The following TSPAN18 variants were observed in gnomAD, a reference collection of about 807,000 sequenced individuals.
TSPAN18 encodes the protein tetraspanin-18.
Under a neutral mutation model 27.3 loss-of-function variants are expected in TSPAN18, and 14 were observed. The ratio of observed to expected loss-of-function variants is 0.51; its 90% CI spans 0.34 to 0.80. The LOEUF (loss-of-function observed/expected upper bound fraction) is 0.80, where lower values mean the gene tolerates loss of function less well. TSPAN18 is among the 30% of genes least tolerant of loss of function. TSPAN18 has a pLI of 0.01. For synonymous variants in TSPAN18, 143 were observed against 136.5 expected (o/e 1.05, Z -0.33); for missense variants, 268 against 323.9 (o/e 0.83, Z 1.32).
In TSPAN18 at chr11:44,930,907, C is replaced by G. The variant is rs1421731645; in HGVS notation, c.*1729C>G. 3.8e-6 allele frequency: 2 copies of G among 525,676 alleles called. No homozygotes were observed. The highest frequency in any genetic ancestry group is 7.8e-6 in the Non-Finnish European group (2 of 256,084). 32.6% of individuals were successfully genotyped at this position (525,676 alleles called of 1,614,324 possible). A position where few individuals can be genotyped will look rare whatever the true frequency, so the allele number is the denominator to read the frequency against. On this transcript the variant is annotated 3_prime_UTR_variant, in exon 10 of 10. Coordinates refer to ENST00000520358, the MANE Select transcript of TSPAN18 (RefSeq NM_130783.5). ...CTCACAAGCCACCGGCATCCTGTAT[C>G]AGCTTCCAGCCTCCCCTCAGGCTTT...
chr11:44,756,560 AT>A (rs1748167584), intron 1 of TSPAN18, among the ~76,000 whole-genome samples: 1 of 152,168 alleles, frequency 6.6e-6, no homozygotes, highest in Admixed American at 6.5e-5. Flanking sequence ...TTAAGCAATA[AT>A]TCTTCCCATT....
chr11:44,862,370 G>C (rs934954056), intron 3 of TSPAN18, among the ~76,000 whole-genome samples: 1 of 152,220 alleles, frequency 6.6e-6, no homozygotes, highest in African/African-American at 2.4e-5. Flanking sequence ...CCCTTGCTTG[G>C]TTTTGGTCAA....
chr11:44,870,973 G>A (rs183870590), intron 3 of TSPAN18, among the ~76,000 whole-genome samples: 77 of 152,286 alleles, frequency 5.1e-4, no homozygotes, highest in Admixed American at 2.2e-3. Context: ...GAGGAGGAAG[G>A]AAGCAAGGAG....
intron 8 of TSPAN18, among the ~76,000 whole-genome samples, chr11:44,922,585 G>C (rs1860184699): frequency 6.6e-6 from 1 of 152,160 alleles, no homozygotes; most frequent in African/African-American, 2.4e-5. Context: ...TGGTGGACCT[G>C]GGTAGACAGG....
At chr11:44,733,692 C>G (rs942717001) in intron 1 of TSPAN18, among the ~76,000 whole-genome samples, 2 of 152,144 alleles carry the variant, frequency 1.3e-5, no homozygotes, top group African/African-American at 4.8e-5. Context: ...AAGCCAGAGT[C>G]TTAGGTATTC....
At chr11:44,794,974 G>A (rs539879757) in intron 2 of TSPAN18, among the ~76,000 whole-genome samples, 15 of 152,170 alleles carry the variant, frequency 9.9e-5, no homozygotes, top group Non-Finnish European at 1.8e-4. Flanking sequence ...ATGCCAGCTT[G>A]GTTGAAGCAT....
At chr11:44,854,899 C>T (rs542465861) in intron 2 of TSPAN18, among the ~76,000 whole-genome samples, 1 of 152,276 alleles carries the variant, frequency 6.6e-6, no homozygotes, top group Non-Finnish European at 1.5e-5. Context: ...AATTAGGAAT[C>T]GGAGACAATT....
intron 3 of TSPAN18, among the ~76,000 whole-genome samples, chr11:44,895,636 G>T (rs1859016001): frequency 6.6e-6 from 1 of 152,218 alleles, no homozygotes; most frequent in Admixed American, 6.5e-5. Context: ...CCCATTCCCA[G>T]CCAGGGTACA....
At chr11:44,801,207 C>A (rs1856472822) in intron 2 of TSPAN18, among the ~76,000 whole-genome samples, 1 of 152,140 alleles carries the variant, frequency 6.6e-6, no homozygotes, top group South Asian at 2.1e-4. Flanking sequence ...TTATAGTATT[C>A]TCTCTGTGTG....
intron 2 of TSPAN18, among the ~76,000 whole-genome samples, chr11:44,853,704 C>CCA (rs1473673884): frequency 6.6e-6 from 1 of 152,218 alleles, no homozygotes; most frequent in Admixed American, 6.5e-5. Flanking sequence ...ACCTCTCCAT[C>CCA]CACAGGCCTG....
intron 2 of TSPAN18, among the ~76,000 whole-genome samples, chr11:44,835,762 A>G (rs1450296655): frequency 6.6e-6 from 1 of 152,206 alleles, no homozygotes; most frequent in Non-Finnish European, 1.5e-5. Flanking sequence ...GAGCAAATCT[A>G]TCAGCACCAT....
chr11:44,891,519 T>C (rs529811809), intron 3 of TSPAN18, among the ~76,000 whole-genome samples: 2 of 152,304 alleles, frequency 1.3e-5, no homozygotes, highest in South Asian at 2.1e-4. Flanking sequence ...CTGGTTAGCA[T>C]GAAATTTCCA....
At chr11:44,728,159 C>A (rs1235829474) in intron 1 of TSPAN18, among the ~76,000 whole-genome samples, 1 of 152,160 alleles carries the variant, frequency 6.6e-6, no homozygotes, top group Admixed American at 6.5e-5. Context: ...ACTAGCCAGA[C>A]GGGGGAGCGG....
intron 2 of TSPAN18, among the ~76,000 whole-genome samples, chr11:44,825,449 T>A (rs1857019028): frequency 6.6e-6 from 1 of 152,166 alleles, no homozygotes; most frequent in Non-Finnish European, 1.5e-5. Context: ...ACTCCAGTGC[T>A]CTCAAGCTTC....
At chr11:44,865,182 C>T (rs1590601987) in intron 3 of TSPAN18, among the ~76,000 whole-genome samples, 1 of 152,304 alleles carries the variant, frequency 6.6e-6, no homozygotes, top group East Asian at 1.9e-4. Context: ...TTCAGGGAGG[C>T]AGCCTGGTGT....
intron 3 of TSPAN18, among the ~76,000 whole-genome samples, chr11:44,896,129 G>A (rs992322985): frequency 6.6e-5 from 10 of 152,142 alleles, no homozygotes; most frequent in African/African-American, 2.2e-4. Flanking sequence ...TGGATTGAGG[G>A]AGGAAGGGAG....
intron 1 of TSPAN18, among the ~76,000 whole-genome samples, chr11:44,758,445 G>A (rs1489137023): frequency 6.6e-6 from 1 of 152,082 alleles, no homozygotes; most frequent in East Asian, 1.9e-4. Flanking sequence ...GCCAAATTCG[G>A]GTTGCTAATA....
chr11:44,772,995 C>A (rs1194726982), intron 2 of TSPAN18, among the ~76,000 whole-genome samples: 2 of 152,212 alleles, frequency 1.3e-5, no homozygotes, highest in Non-Finnish European at 2.9e-5. Context: ...ACAGGTATCA[C>A]AGGATCCACA....
intron 9 of TSPAN18, 65 bp downstream of exon 9, chr11:44,926,822 C>G (rs1295069575): frequency 6.5e-7 from 1 of 1,536,008 alleles, no homozygotes; most frequent in Non-Finnish European, 9.0e-7. Flanking sequence ...CTAGGCAGAT[C>G]CCCCCAGCCT....
Sources: allele counts gnomAD v4.1 joint callset (sites outside exome capture counted in the v4.1 genomes callset), GRCh38; gene constraint gnomAD v4.1.1; transcripts MANE v1.5; gene names NCBI Gene and HGNC (gene_info 2026-07-23, HGNC 2026-07-21).